The following RUNX1 variants were observed in gnomAD, a reference collection of about 807,000 sequenced individuals.
The protein encoded by RUNX1 is RUNX family transcription factor 1, also known as runt-related transcription factor 1.
Under a neutral mutation model 42.8 loss-of-function variants are expected in RUNX1, and 19 were observed. The ratio of observed to expected loss-of-function variants is 0.44; its 90% CI spans 0.31 to 0.65. RUNX1 has a LOEUF of 0.65. Among genes scored for constraint, RUNX1 ranks in the 30% least tolerant of loss-of-function variants. The pLI, the probability that RUNX1 is intolerant of heterozygous loss-of-function variation, is 0.07. For missense variants in RUNX1, 528 were observed against 672.0 expected, an observed-to-expected ratio of 0.79 and a Z score of 2.37; for synonymous variants, 271 against 289.4, an observed-to-expected ratio of 0.94 and a Z score of 0.64.
chr21:34,810,604 C>T (rs934323650), intron 7 of RUNX1, among the ~76,000 whole-genome samples: 4 of 152,124 alleles, frequency 2.6e-5, no homozygotes, highest in Admixed American at 2.0e-4. Context: ...CTAGCTTGGC[C>T]CCTCACTCAC....
chr21:34,978,476 A>G (rs903921269), intron 2 of RUNX1, among the ~76,000 whole-genome samples: 5 of 152,186 alleles, frequency 3.3e-5, no homozygotes, highest in Non-Finnish European at 4.4e-5. Context: ...ATGTGTTATT[A>G]TTTGTAGTTT....
intron 5 of RUNX1, among the ~76,000 whole-genome samples, chr21:34,865,271 G>T (rs1032299369): frequency 2.1e-5 from 3 of 141,986 alleles, no homozygotes; most frequent in African/African-American, 7.9e-5. Context: ...ATGAGGAGGG[G>T]TTTTGTGCGT....
rs1294910469 is a variant in RUNX1, at chr21:34,981,210, C to T, written c.58+67632G>A. Among the ~76,000 whole-genome samples the T allele has an allele frequency of 3.3e-5, 5 of 152,168 alleles. No individual in the cohort carries two copies. In the East Asian group the frequency reaches 5.8e-4, roughly 18 times the overall value. ...TTCGTTTTGAAGTCCTTAACTTCCACGCCAATCTGATGTGAGAAAAATAGA... is the reference window on the plus strand; with the variant it reads ...TTCGTTTTGAAGTCCTTAACTTCCATGCCAATCTGATGTGAGAAAAATAGA... On this transcript the variant is annotated intron_variant, in intron 2 of 8. Coordinates refer to ENST00000675419, the MANE Select transcript of RUNX1 (RefSeq NM_001754.5).
At chr21:34,821,418 T>C (rs1380620905) in intron 7 of RUNX1, 1 of 1,330,848 alleles carries the variant, frequency 7.5e-7, no homozygotes, top group African/African-American at 1.5e-5. Context: ...GTGCTGTGCA[T>C]CAAGTGATTT....
intron 2 of RUNX1, among the ~76,000 whole-genome samples, chr21:35,046,314 CT>C (rs2059395680): frequency 6.6e-6 from 1 of 152,244 alleles, no homozygotes; most frequent in Non-Finnish European, 1.5e-5. Flanking sequence ...TCACTCCTCT[CT>C]TTCCCCCCAA....
chr21:34,842,805 A>C (rs56161069), intron 6 of RUNX1, among the ~76,000 whole-genome samples: 3,921 of 152,248 alleles, frequency 0.026, 54 homozygotes, highest in African/African-American at 0.036. Context: ...GCGGTGGCTC[A>C]TGCCTGTAAT....
chr21:34,992,151 A>G (rs1361952992), intron 2 of RUNX1, among the ~76,000 whole-genome samples: 1 of 152,222 alleles, frequency 6.6e-6, no homozygotes, highest in Non-Finnish European at 1.5e-5. Context: ...AGGAGAGTGA[A>G]GCGGGCGGTG....
chr21:34,971,842 T>C (rs2058766009), intron 2 of RUNX1, among the ~76,000 whole-genome samples: 1 of 152,076 alleles, frequency 6.6e-6, no homozygotes, highest in African/African-American at 2.4e-5. Flanking sequence ...CATAACAACA[T>C]GTTGTGTGGT....
At chr21:34,913,057 C>G (rs923195543) in intron 2 of RUNX1, among the ~76,000 whole-genome samples, 2 of 152,068 alleles carry the variant, frequency 1.3e-5, no homozygotes, top group African/African-American at 4.8e-5. Flanking sequence ...ATAGTGAAAC[C>G]CTGACTCTAC....
chr21:35,026,587 G>A (rs1339958606), intron 2 of RUNX1, among the ~76,000 whole-genome samples: 1 of 152,164 alleles, frequency 6.6e-6, no homozygotes, highest in African/African-American at 2.4e-5. Context: ...AGAAGAGAAA[G>A]CAACTTCAGC....
intron 5 of RUNX1, among the ~76,000 whole-genome samples, chr21:34,873,082 T>C (rs1289481802): frequency 6.6e-6 from 1 of 152,128 alleles, no homozygotes; most frequent in African/African-American, 2.4e-5. Context: ...TTACTAATTA[T>C]AGATAGATAG....
intron 2 of RUNX1, among the ~76,000 whole-genome samples, chr21:34,976,500 C>A (rs1017002960): frequency 7.2e-5 from 11 of 152,122 alleles, no homozygotes; most frequent in Non-Finnish European, 1.5e-4. Context: ...AATTTTCATC[C>A]CCCTGGGTGC....
At chr21:34,846,167 T>C (rs1365830380) in intron 6 of RUNX1, among the ~76,000 whole-genome samples, 6 of 151,348 alleles carry the variant, frequency 4.0e-5, no homozygotes, top group South Asian at 2.1e-4. Context: ...GCTTGGACAA[T>C]TGAGTACTTT....
At chr21:34,849,703 A>C (rs1160101570) in intron 6 of RUNX1, among the ~76,000 whole-genome samples, 3 of 150,210 alleles carry the variant, frequency 2.0e-5, no homozygotes, top group Non-Finnish European at 3.0e-5. Flanking sequence ...GTACGGTAAT[A>C]GATTATACCT....
intron 5 of RUNX1, among the ~76,000 whole-genome samples, chr21:34,870,141 C>T (rs1412365228): frequency 6.6e-6 from 1 of 152,180 alleles, no homozygotes; most frequent in Non-Finnish European, 1.5e-5. Flanking sequence ...ATTGTGTTTC[C>T]TCCTTGGAAG....
chr21:35,046,174 G>T (rs186401246), intron 2 of RUNX1, among the ~76,000 whole-genome samples: 1 of 152,078 alleles, frequency 6.6e-6, no homozygotes, highest in Non-Finnish European at 1.5e-5. Flanking sequence ...AAGCAAATTC[G>T]GTGGGAACCT....
chr21:34,993,549 A>AGG (rs2058963728), intron 2 of RUNX1, among the ~76,000 whole-genome samples: 1 of 150,882 alleles, frequency 6.6e-6, no homozygotes, highest in East Asian at 2.0e-4. Flanking sequence ...ACACACAGAC[A>AGG]CACACACAGG....
intron 2 of RUNX1, among the ~76,000 whole-genome samples, chr21:34,903,337 T>C (rs1373850893): frequency 6.6e-6 from 1 of 152,186 alleles, no homozygotes; most frequent in Non-Finnish European, 1.5e-5. Context: ...TACAATATAG[T>C]TTAATTCCTA....
In RUNX1 at chr21:34,974,054, G is replaced by T. The variant is rs189682073; in HGVS notation, c.58+74788C>A. Among the ~76,000 whole-genome samples, 104 of 152,182 alleles carry T rather than the reference G, an allele frequency of 6.8e-4. 1 individual carries two copies. Among genetic ancestry groups the T allele is most frequent in the African/African-American group, 2.3e-3 (97 of 41,516 alleles). On this transcript the variant is annotated intron_variant, in intron 2 of 8. Transcript: ENST00000675419. ...CCTCCACACGTAGATGGAGCTTTAGGCTATGCTCCTCCCACCCCTTCATAA... is the reference window on the plus strand; with the variant it reads ...CCTCCACACGTAGATGGAGCTTTAGTCTATGCTCCTCCCACCCCTTCATAA...
Sources: allele counts gnomAD v4.1 joint callset (sites outside exome capture counted in the v4.1 genomes callset), GRCh38; gene constraint gnomAD v4.1.1; transcripts MANE v1.5; gene names NCBI Gene and HGNC (gene_info 2026-07-23, HGNC 2026-07-21).